The following WDR89 variants were observed in gnomAD, a reference collection of about 807,000 sequenced individuals.
The protein encoded by WDR89 is WD repeat domain 89.
A neutral mutation model predicts 29.1 loss-of-function variants in WDR89; 17 were observed. That is an observed-to-expected ratio of 0.58 (90% confidence interval 0.40 to 0.88). The LOEUF (loss-of-function observed/expected upper bound fraction) is 0.88. Ranked by LOEUF, WDR89 falls within the 40% of genes least tolerant of loss-of-function variation. The probability of loss-of-function intolerance (pLI) is 0.00; values close to 1 mark genes in which losing one functional copy is unlikely to be tolerated. For missense variants in WDR89, 396 were observed against 456.3 expected (o/e 0.87, Z 1.20); for synonymous variants, 138 against 157.8 (o/e 0.87, Z 0.94).
At chr14:63,621,208 T>C (rs1331243242) in intron 2 of WDR89, among the ~76,000 whole-genome samples, 2 of 152,162 alleles carry the variant, frequency 1.3e-5, no homozygotes, top group African/African-American at 4.8e-5. Context: ...AAGCTAAACA[T>C]ATGTTCGTGC....
intron 1 of WDR89, among the ~76,000 whole-genome samples, chr14:63,631,253 A>G (rs1349403708): frequency 1.3e-5 from 2 of 152,224 alleles, no homozygotes; most frequent in African/African-American, 4.8e-5. Context: ...TCAAACTAAA[A>G]GAGATAATGG....
At chr14:63,601,418 A>G (rs963441416) in intron 2 of WDR89, 4 of 796,884 alleles carry the variant, frequency 5.0e-6, no homozygotes, top group African/African-American at 1.7e-5. Flanking sequence ...TATGTAGGAC[A>G]AGTTCAAGGC....
chr14:63,613,702 A>G (rs999487540), intron 2 of WDR89, among the ~76,000 whole-genome samples: 3 of 151,632 alleles, frequency 2.0e-5, no homozygotes, highest in African/African-American at 7.3e-5. Flanking sequence ...GGGTTTCAAC[A>G]TCTTGGCCAG....
chr14:63,638,955 G>A (rs982048898), intron 1 of WDR89, among the ~76,000 whole-genome samples: 3 of 152,162 alleles, frequency 2.0e-5, no homozygotes, highest in Non-Finnish European at 4.4e-5. Context: ...GAGTATCCTT[G>A]TTTATCTGGG....
chr14:63,638,862 GATACA>G (rs1320286994), intron 1 of WDR89, among the ~76,000 whole-genome samples: 7 of 152,140 alleles, frequency 4.6e-5, no homozygotes, highest in Non-Finnish European at 1.0e-4. Context: ...GGCCCTCAAA[GATACA>G]AAGGTCTTAA....
Position 63,598,850 on chromosome 14 carries a change from TTTTCATACTCTC to T in WDR89, c.1081_1092del (p.Glu361_Lys364del), listed in dbSNP as rs1894907977. 6.2e-7 allele frequency: 1 copy of T among 1,614,098 alleles called. No homozygotes were observed. The highest frequency in any genetic ancestry group is 8.5e-7 in the Non-Finnish European group (1 of 1,179,998). On this transcript the variant is annotated inframe_deletion, in exon 3 of 3. Coordinates refer to ENST00000620954, the MANE Select transcript of WDR89 (RefSeq NM_080666.4). ...ACTCGTTGGTGCACAGAGGATGCTA[TTTTCATACTCTC>T]TTTCTTTGTAAAGGTCTTCTCTATA...
rs767911526 is a variant in WDR89, at chr14:63,599,236, G to T, written c.707C>A (p.Thr236Lys). The T allele has an allele frequency of 3.0e-5, 49 of 1,607,316 alleles. No homozygotes were observed. The highest frequency in any genetic ancestry group is 4.1e-5 in the Non-Finnish European group (48 of 1,175,726). ...GKGYKQIYCMTHDEGFYWWDL... is the reference protein window; with the variant it reads ...GKGYKQIYCMKHDEGFYWWDL... ...CCACCAATAAAATCCTTCATCATGTGTCATGCAGTAAATCTGTTTATAACC... is the reference window on the plus strand; with the variant it reads ...CCACCAATAAAATCCTTCATCATGTTTCATGCAGTAAATCTGTTTATAACC... The change falls in exon 3 of 3, where the codon ACA becomes AAA. Residue 236 changes from threonine to lysine, a missense_variant. Coordinates refer to ENST00000620954, the MANE Select transcript of WDR89 (RefSeq NM_080666.4).
chr14:63,608,881 T>C (rs1881772105), intron 2 of WDR89, among the ~76,000 whole-genome samples: 1 of 151,824 alleles, frequency 6.6e-6, no homozygotes, highest in African/African-American at 2.4e-5. Flanking sequence ...AGGTGGGAGA[T>C]CACGAGGTTG....
chr14:63,622,016 C>T (rs1882726111), intron 2 of WDR89: 1 of 152,160 alleles, frequency 6.6e-6, no homozygotes, highest in Non-Finnish European at 1.5e-5. Flanking sequence ...ATAAAGAGCA[C>T]TGGGAATGGT....
chr14:63,619,743 G>A (rs964489395), intron 2 of WDR89, among the ~76,000 whole-genome samples: 9 of 152,210 alleles, frequency 5.9e-5, no homozygotes, highest in Middle Eastern at 3.4e-3. Context: ...CGTGGCTTAC[G>A]GCTGTATTCC....
intron 2 of WDR89, among the ~76,000 whole-genome samples, chr14:63,611,009 G>A (rs950039017): frequency 1.3e-5 from 2 of 151,714 alleles, no homozygotes; most frequent in African/African-American, 4.8e-5. Context: ...TAATTTGAGG[G>A]ATATTCTACA....
At chr14:63,609,823 A>G (rs1360111196) in intron 2 of WDR89, among the ~76,000 whole-genome samples, 2 of 152,022 alleles carry the variant, frequency 1.3e-5, no homozygotes, top group Non-Finnish European at 2.9e-5. Flanking sequence ...AAAATAAAAC[A>G]AAACCAAAAA....
At chr14:63,618,053 C>T (rs952237327) in intron 2 of WDR89, 3 of 152,128 alleles carry the variant, frequency 2.0e-5, no homozygotes, top group Admixed American at 1.3e-4. Context: ...GTGCTCGCTT[C>T]TGCAGCATAT....
intron 1 of WDR89, among the ~76,000 whole-genome samples, chr14:63,627,718 CTA>C (rs1414004649): frequency 1.3e-5 from 2 of 151,936 alleles, no homozygotes; most frequent in Non-Finnish European, 2.9e-5. Context: ...TGGAGTTCCT[CTA>C]TGTCTTTCAG....
At chr14:63,601,485 T>C in intron 2 of WDR89, 1 of 1,264,846 alleles carries the variant, frequency 7.9e-7, no homozygotes, top group Admixed American at 1.7e-5. Flanking sequence ...TAGAGCAGAG[T>C]ACGAGTCTGA....
chr14:63,631,545 AT>A (rs534869494), intron 1 of WDR89, among the ~76,000 whole-genome samples: 7 of 151,046 alleles, frequency 4.6e-5, no homozygotes, highest in East Asian at 1.9e-4. Context: ...AAAAAAAAAA[AT>A]TTTTTTTTAA....
At chr14:63,622,371 G>C (rs1466328010) in intron 2 of WDR89, among the ~76,000 whole-genome samples, 3 of 152,198 alleles carry the variant, frequency 2.0e-5, no homozygotes, top group Non-Finnish European at 4.4e-5. Flanking sequence ...CCTGAGGTCA[G>C]GAGTTCGAGA....
rs751630935 is a variant in WDR89 at position 63,599,630 on chromosome 14, T to C, written c.313A>G (p.Lys105Glu). 1 of 1,614,164 alleles carries C rather than the reference T, an allele frequency of 6.2e-7. No homozygotes were observed. Among genetic ancestry groups the C allele is most frequent in the Admixed American group, 1.7e-5 (1 of 60,020 alleles). ...KCWDARVARE[K>E]PVQLFKGYPS... Reference sequence around the variant, plus strand: ...TAACCCTTGAAGAGCTGAACAGGTTTTTCTCTGGCTACTCGAGCATCCCAG... The same window carrying C: ...TAACCCTTGAAGAGCTGAACAGGTTCTTCTCTGGCTACTCGAGCATCCCAG... Residue 105 changes from lysine to glutamate, a missense_variant, in exon 3 of 3, where the codon AAA becomes GAA. Coordinates refer to ENST00000620954, the MANE Select transcript of WDR89 (RefSeq NM_080666.4).
Position 63,598,831 on chromosome 14 carries a change from T to C in WDR89, c.1112A>G (p.Gln371Arg). ...ATCATTACTATGAACTCGTACTCGT[T>C]GGTGCACAGAGGATGCTATTTTCAT... Reference protein sequence around the residue: ...ESMKIASSVHQRVRVHSNDSY... With the variant: ...ESMKIASSVHRRVRVHSNDSY... The change falls in exon 3 of 3, where the codon CAA becomes CGA. Residue 371 changes from glutamine to arginine, a missense_variant. Physicochemically the swap from Gln to Arg is conservative, Grantham distance 43 (BLOSUM62 1). Coordinates refer to ENST00000620954, the MANE Select transcript of WDR89 (RefSeq NM_080666.4). 6.2e-7 allele frequency: 1 copy of C among 1,612,464 alleles called. No individual in the cohort carries two copies. Among genetic ancestry groups the C allele is most frequent in the South Asian group, 1.1e-5 (1 of 90,744 alleles).
Sources: gnomAD v4.1 joint callset for allele counts (sites outside exome capture counted in the v4.1 genomes callset) on GRCh38, gnomAD v4.1.1 for gene constraint, MANE v1.5 for transcripts, NCBI Gene and HGNC (gene_info 2026-07-23, HGNC 2026-07-21) for gene names.